The following NRXN1 variants were observed in gnomAD, a reference collection of about 807,000 sequenced individuals.
NRXN1 encodes neurexin 1, also known as neurexin-1.
Under a neutral mutation model 150.9 loss-of-function variants are expected in NRXN1, and 39 were observed. That is an observed-to-expected ratio of 0.26 (90% confidence interval 0.20 to 0.34). The LOEUF (loss-of-function observed/expected upper bound fraction) is 0.34. NRXN1 is among the 10% of genes least tolerant of loss of function. The pLI, the probability that NRXN1 is intolerant of heterozygous loss-of-function variation, is 1.00. For synonymous variants in NRXN1, 924 were observed against 757.0 expected, an observed-to-expected ratio of 1.22 and a Z score of -3.62; for missense variants, 1,815 against 1,949.9, an observed-to-expected ratio of 0.93 and a Z score of 1.30.
intron 5 of NRXN1, among the ~76,000 whole-genome samples, chr2:50,639,857 G>A (rs924654599): frequency 2.0e-5 from 3 of 151,912 alleles, no homozygotes; most frequent in East Asian, 1.9e-4. Flanking sequence ...CTTTTCATAT[G>A]TATTATTATA....
At chr2:50,295,560 T>C (rs1045013124) in intron 17 of NRXN1, among the ~76,000 whole-genome samples, 1 of 152,188 alleles carries the variant, frequency 6.6e-6, no homozygotes, top group Non-Finnish European at 1.5e-5. Flanking sequence ...TACACTCCAA[T>C]ATTGTTGAAT....
intron 5 of NRXN1, among the ~76,000 whole-genome samples, chr2:50,844,756 A>G (rs2105944982): frequency 6.6e-6 from 1 of 152,302 alleles, no homozygotes; most frequent in Non-Finnish European, 1.5e-5. Flanking sequence ...TGGTAAACAC[A>G]CTACCAGAGG....
intron 18 of NRXN1, among the ~76,000 whole-genome samples, chr2:50,231,713 A>C (rs1371142018): frequency 6.6e-6 from 1 of 152,096 alleles, no homozygotes; most frequent in Non-Finnish European, 1.5e-5. Flanking sequence ...TGCACATGTT[A>C]ATATTTGTGG....
At chr2:50,221,091 A>G (rs574044446) in intron 18 of NRXN1, among the ~76,000 whole-genome samples, 1 of 152,068 alleles carries the variant, frequency 6.6e-6, no homozygotes, top group African/African-American at 2.4e-5. Flanking sequence ...TTGTATAGTT[A>G]TCTGTGCTGT....
intron 5 of NRXN1, among the ~76,000 whole-genome samples, chr2:50,674,940 G>A (rs776289420): frequency 6.6e-6 from 1 of 151,878 alleles, no homozygotes; most frequent in Admixed American, 6.6e-5. Context: ...CCTCAATGTA[G>A]GAGATGGGGC....
chr2:49,939,883 A>G (rs935636835), intron 22 of NRXN1, among the ~76,000 whole-genome samples: 3 of 152,188 alleles, frequency 2.0e-5, no homozygotes, highest in African/African-American at 4.8e-5. Flanking sequence ...TACCTGATCA[A>G]TGTTGAAGCT....
intron 21 of NRXN1, among the ~76,000 whole-genome samples, chr2:49,970,812 G>T (rs1677817495): frequency 6.6e-6 from 1 of 152,034 alleles, no homozygotes; most frequent in Non-Finnish European, 1.5e-5. Flanking sequence ...TGAAGCAAAT[G>T]GATGCCATTT....
intron 21 of NRXN1, among the ~76,000 whole-genome samples, chr2:49,989,517 T>C (rs1681548398): frequency 6.6e-6 from 1 of 152,046 alleles, no homozygotes; most frequent in Non-Finnish European, 1.5e-5. Context: ...CTTGAACAAG[T>C]GAGTTTATTA....
intron 21 of NRXN1, among the ~76,000 whole-genome samples, chr2:50,029,362 C>T (rs775638127): frequency 5.9e-5 from 9 of 152,122 alleles, no homozygotes; most frequent in South Asian, 4.1e-4. Flanking sequence ...GCAGTCACTA[C>T]GGACTGAATT....
chr2:49,985,529 C>T (rs918466212), intron 21 of NRXN1, among the ~76,000 whole-genome samples: 14 of 152,128 alleles, frequency 9.2e-5, no homozygotes, highest in African/African-American at 3.1e-4. Context: ...TTATTTCAGT[C>T]GTCATTTGTG....
intron 9 of NRXN1, among the ~76,000 whole-genome samples, chr2:50,551,643 T>C (rs1322736616): frequency 1.3e-5 from 2 of 152,140 alleles, no homozygotes; most frequent in Non-Finnish European, 2.9e-5. Context: ...TCTTCTATTA[T>C]AAGATCATTT....
chr2:50,189,068 G>A (rs547913361), intron 18 of NRXN1, among the ~76,000 whole-genome samples: 28 of 152,114 alleles, frequency 1.8e-4, no homozygotes, highest in African/African-American at 5.3e-4. Flanking sequence ...ACATGCACAC[G>A]TATGTTTATT....
At chr2:50,695,750 A>T (rs943000514) in intron 5 of NRXN1, among the ~76,000 whole-genome samples, 1 of 151,958 alleles carries the variant, frequency 6.6e-6, no homozygotes, top group African/African-American at 2.4e-5. Flanking sequence ...ATCGCTTTTT[A>T]TCCATATGAC....
intron 2 of NRXN1, among the ~76,000 whole-genome samples, chr2:51,007,275 C>CA (rs889821309): frequency 1.1e-3 from 161 of 151,400 alleles, no homozygotes; most frequent in African/African-American, 3.6e-3. Flanking sequence ...AAAGGGTATT[C>CA]AAAAAAAATT....
In NRXN1 at chr2:50,107,539, A is replaced by ATATATATT. The variant is rs59921941; in HGVS notation, c.3547-16046_3547-16045insAATATATA. Among the ~76,000 whole-genome samples, 614 of 129,828 alleles carry ATATATATT rather than the reference A, an allele frequency of 4.7e-3. 7 individuals are homozygous for ATATATATT. The highest frequency in any genetic ancestry group is 7.3e-3 in the Non-Finnish European group (455 of 62,050). 85.2% of individuals were successfully genotyped at this position (129,828 alleles called of 152,430 possible). The stretch of plus-strand genomic sequence containing the variant: ...AGACTACATATATATATATATATAT[A>ATATATATT]TTTTTTTTTTTTACCCAAGTACTAC... On this transcript the variant is annotated intron_variant, in intron 18 of 22. Coordinates refer to ENST00000401669, the MANE Select transcript of NRXN1 (RefSeq NM_001330078.2).
At chr2:50,641,620 T>C (rs944525392) in intron 5 of NRXN1, among the ~76,000 whole-genome samples, 2 of 152,132 alleles carry the variant, frequency 1.3e-5, no homozygotes, top group Non-Finnish European at 1.5e-5. Flanking sequence ...CTGTGGCCTC[T>C]TGGTGCTGTG....
chr2:49,948,468 G>T (rs374363312), intron 21 of NRXN1, among the ~76,000 whole-genome samples: 1 of 151,844 alleles, frequency 6.6e-6, no homozygotes. Flanking sequence ...AATGAAATAC[G>T]TTCTTGATTT....
intron 18 of NRXN1, among the ~76,000 whole-genome samples, chr2:50,166,849 G>C (rs946762471): frequency 1.3e-5 from 2 of 152,020 alleles, no homozygotes; most frequent in Non-Finnish European, 2.9e-5. Context: ...TCACAACTAG[G>C]ATTAATTGGA....
At chr2:50,495,649 T>C (rs917037331) in intron 15 of NRXN1, among the ~76,000 whole-genome samples, 2 of 152,160 alleles carry the variant, frequency 1.3e-5, no homozygotes, top group African/African-American at 4.8e-5. Context: ...ATATTATATT[T>C]TTCTCACTTT....
Sources: gnomAD v4.1 joint callset for allele counts (sites outside exome capture counted in the v4.1 genomes callset) on GRCh38, gnomAD v4.1.1 for gene constraint, MANE v1.5 for transcripts, NCBI Gene and HGNC (gene_info 2026-07-23, HGNC 2026-07-21) for gene names.